The following ANO3 variants were observed in gnomAD, a reference collection of about 807,000 sequenced individuals.
ANO3 encodes the protein anoctamin-3.
Under a neutral mutation model 144.8 loss-of-function variants are expected in ANO3, and 99 were observed. The observed-to-expected ratio is 0.68, with a 90% CI of 0.58 to 0.81. The LOEUF (loss-of-function observed/expected upper bound fraction) is 0.81, where lower values mean the gene tolerates loss of function less well. Ranked by LOEUF, ANO3 falls within the 30% of genes least tolerant of loss-of-function variation. ANO3 has a pLI of 0.00. For synonymous variants in ANO3, 414 were observed against 392.6 expected (o/e 1.05, Z -0.64); for missense variants, 905 against 1,202.2 (o/e 0.75, Z 3.66).
chr11:26,489,798 C>T (rs1434259780), intron 4 of ANO3, among the ~76,000 whole-genome samples: 1 of 152,162 alleles, frequency 6.6e-6, no homozygotes, highest in East Asian at 1.9e-4. Context: ...TGGCCAATTT[C>T]TCCTATTTGG....
chr11:26,615,694 T>C (rs1852239410), intron 17 of ANO3, among the ~76,000 whole-genome samples: 1 of 152,166 alleles, frequency 6.6e-6, no homozygotes, highest in African/African-American at 2.4e-5. Flanking sequence ...CATTTCCCTT[T>C]TTAAGACTAC....
At chr11:26,227,090 G>C (rs971515414) in intron 1 of ANO3, among the ~76,000 whole-genome samples, 2 of 152,078 alleles carry the variant, frequency 1.3e-5, no homozygotes, top group Admixed American at 1.3e-4. Flanking sequence ...TTAGCACAAT[G>C]TCTTTAGGAT....
intron 4 of ANO3, among the ~76,000 whole-genome samples, chr11:26,504,743 G>C (rs1227974072): frequency 6.6e-6 from 1 of 151,488 alleles, no homozygotes; most frequent in Admixed American, 6.6e-5. Context: ...GTAGAAGCCC[G>C]CCGGGCGCGG....
intron 1 of ANO3, among the ~76,000 whole-genome samples, chr11:26,383,320 G>A (rs545086566): frequency 1.3e-5 from 2 of 151,886 alleles, no homozygotes; most frequent in Middle Eastern, 3.4e-3. Flanking sequence ...CTAATATCCT[G>A]TAAAAGTATT....
chr11:26,607,110 C>T (rs184438397), intron 17 of ANO3, among the ~76,000 whole-genome samples: 2 of 152,224 alleles, frequency 1.3e-5, no homozygotes, highest in East Asian at 3.9e-4. Flanking sequence ...CAAATATTGG[C>T]CCCACTCTCT....
intron 4 of ANO3, among the ~76,000 whole-genome samples, chr11:26,476,391 G>A (rs1267344461): frequency 6.6e-6 from 1 of 152,016 alleles, no homozygotes; most frequent in Non-Finnish European, 1.5e-5. Context: ...GTGGAAGAAC[G>A]TGGCATTCAA....
chr11:26,281,291 T>C (rs1853673831), intron 1 of ANO3, among the ~76,000 whole-genome samples: 1 of 152,104 alleles, frequency 6.6e-6, no homozygotes, highest in Admixed American at 6.6e-5. Flanking sequence ...GTTCCAGAAA[T>C]GAATGACTGA....
At chr11:26,500,701 T>C (rs1436717695) in intron 4 of ANO3, among the ~76,000 whole-genome samples, 1 of 152,128 alleles carries the variant, frequency 6.6e-6, no homozygotes, top group African/African-American at 2.4e-5. Context: ...GGAAACAAGT[T>C]TCTTATCAGA....
In ANO3 at chr11:26,534,549, A is replaced by C; in HGVS notation, c.963A>C (p.Gly321=). 2 of 1,610,278 alleles carry C rather than the reference A, an allele frequency of 1.2e-6. No homozygotes were observed. Among genetic ancestry groups the C allele is most frequent in the Non-Finnish European group, 1.7e-6 (2 of 1,176,964 alleles). Reference sequence around the variant, plus strand: ...TGGAACGCACCAAATATGAAAATGGAATATCAAAAGTGGGTAAGAACATTA... The same window carrying C: ...TGGAACGCACCAAATATGAAAATGGCATATCAAAAGTGGGTAAGAACATTA... ...HMLERTKYEN[G]ISKVGIRKLI... The change falls in exon 9 of 27, where the codon GGA becomes GGC. Residue 321 remains glycine (G), a synonymous_variant. Transcript: ENST00000256737.
chr11:26,269,396 C>G (rs1853389785), intron 1 of ANO3, among the ~76,000 whole-genome samples: 1 of 152,192 alleles, frequency 6.6e-6, no homozygotes, highest in East Asian at 1.9e-4. Flanking sequence ...CCGCTAGCTT[C>G]TCCCCCTCTT....
chr11:26,449,672 T>C (rs1858848821), intron 3 of ANO3, among the ~76,000 whole-genome samples: 1 of 152,328 alleles, frequency 6.6e-6, no homozygotes, highest in South Asian at 2.1e-4. Flanking sequence ...TATTCTCTTT[T>C]GTATTTAAAT....
intron 1 of ANO3, among the ~76,000 whole-genome samples, chr11:26,409,202 A>G (rs1455032553): frequency 6.6e-6 from 1 of 150,672 alleles, no homozygotes; most frequent in Non-Finnish European, 1.5e-5. Flanking sequence ...TCCCAAACCC[A>G]CCCCAAGAAT....
At chr11:26,330,752 G>T (rs1436981285), upstream of ANO3, among the ~76,000 whole-genome samples, 2 of 152,164 alleles carry the variant, frequency 1.3e-5, no homozygotes, top group Non-Finnish European at 2.9e-5. Context: ...GCATCTGTTT[G>T]TTCAAAGCTA....
intron 1 of ANO3, among the ~76,000 whole-genome samples, chr11:26,229,701 C>A (rs913289115): frequency 3.3e-5 from 5 of 151,766 alleles, no homozygotes; most frequent in Admixed American, 6.6e-5. Flanking sequence ...GTCGACAGCA[C>A]ATGTTTTTAA....
chr11:26,647,955 GT>G, intron 24 of ANO3, 99 bp downstream of exon 24: 1 of 1,161,100 alleles, frequency 8.6e-7, no homozygotes, highest in Non-Finnish European at 1.2e-6. Flanking sequence ...TAAGGGTGGT[GT>G]TTCTAAGCAT....
intron 3 of ANO3, among the ~76,000 whole-genome samples, chr11:26,453,014 C>T (rs879199595): frequency 6.6e-6 from 1 of 152,058 alleles, no homozygotes; most frequent in Non-Finnish European, 1.5e-5. Flanking sequence ...AAATACTTTA[C>T]AGACAAGCAA....
At chr11:26,305,950 C>T (rs1854369583), upstream of ANO3, among the ~76,000 whole-genome samples, 1 of 151,896 alleles carries the variant, frequency 6.6e-6, no homozygotes, top group Non-Finnish European at 1.5e-5. Context: ...CCTCCCTGCA[C>T]TTTATTCTTC....
chr11:26,569,464 C>T (rs375566323), intron 14 of ANO3, among the ~76,000 whole-genome samples: 18 of 152,152 alleles, frequency 1.2e-4, no homozygotes, highest in East Asian at 7.8e-4. Flanking sequence ...AGCCAGGTTA[C>T]GCCACTTACT....
chr11:26,344,183 T>A (rs1036091502), intron 1 of ANO3, among the ~76,000 whole-genome samples: 1 of 152,186 alleles, frequency 6.6e-6, no homozygotes, highest in African/African-American at 2.4e-5. Context: ...AGTGAAAGTA[T>A]GGAAAATGGC....
Sources: gnomAD v4.1 joint callset for allele counts (sites outside exome capture counted in the v4.1 genomes callset) on GRCh38, gnomAD v4.1.1 for gene constraint, MANE v1.5 for transcripts, NCBI Gene and HGNC (gene_info 2026-07-23, HGNC 2026-07-21) for gene names.